Variants in EEA1 observed in about 807,000 individuals in gnomAD.
EEA1 encodes the protein early endosome antigen 1, 162kD.
Under a neutral mutation model 209.2 loss-of-function variants are expected in EEA1, and 111 were observed. That is an observed-to-expected ratio of 0.53 (90% CI 0.45 to 0.62). The LOEUF is 0.62. Ranked by LOEUF, EEA1 falls within the 20% of genes least tolerant of loss-of-function variation. The probability of loss-of-function intolerance (pLI) is 0.00; values close to 1 mark genes in which losing one functional copy is unlikely to be tolerated. For synonymous variants in EEA1, 536 were observed against 540.6 expected (o/e 0.99, Z 0.12); for missense variants, 1,343 against 1,530.8 (o/e 0.88, Z 2.05).
At chr12:92,852,872 G>A in intron 7 of EEA1, 40 bp downstream of exon 7, 3 of 1,425,098 alleles carry the variant, frequency 2.1e-6, no homozygotes, top group Non-Finnish European at 3.0e-6. Flanking sequence ...AAAAGGTAAT[G>A]AGATTGATTT....
In EEA1 at chr12:92,861,521, C is replaced by T. The variant is rs550605546; in HGVS notation, c.245+3339G>A. ...CCCTGCTGGATTCAAATTCATCCTA[C>T]AGATATACTCAAACAAGTACAAATG... On this transcript the variant is annotated intron_variant, in intron 3 of 28. Coordinates refer to ENST00000322349, the MANE Select transcript of EEA1 (RefSeq NM_003566.4). 4.6e-5 allele frequency among the ~76,000 whole-genome samples: 7 copies of T among 152,260 alleles called. No homozygotes were observed. In the South Asian group the frequency reaches 6.2e-4, roughly 14 times the overall value.
At chr12:92,806,037 A>G (rs1260435565) in intron 18 of EEA1, among the ~76,000 whole-genome samples, 2 of 152,202 alleles carry the variant, frequency 1.3e-5, no homozygotes, top group African/African-American at 4.8e-5. Context: ...GAAATCTTAC[A>G]TCTAGCATTG....
At chr12:92,893,133 G>C (rs576696429) in intron 1 of EEA1, among the ~76,000 whole-genome samples, 4 of 152,246 alleles carry the variant, frequency 2.6e-5, no homozygotes, top group Admixed American at 2.6e-4. Context: ...TTATCACTTA[G>C]CATTATCATT....
intron 1 of EEA1, among the ~76,000 whole-genome samples, chr12:92,908,660 A>T (rs1350335950): frequency 6.6e-6 from 1 of 152,180 alleles, no homozygotes; most frequent in Admixed American, 6.5e-5. Context: ...CTTAGCCATA[A>T]TATTCATATT....
chr12:92,892,127 G>A (rs182584564), intron 1 of EEA1, among the ~76,000 whole-genome samples: 25 of 152,234 alleles, frequency 1.6e-4, no homozygotes, highest in Admixed American at 9.2e-4. Context: ...GTCTTGCTCT[G>A]TCACCCAGGC....
chr12:92,900,961 G>A (rs902384721), intron 1 of EEA1, among the ~76,000 whole-genome samples: 2 of 152,018 alleles, frequency 1.3e-5, no homozygotes. Context: ...GAGCCAACAC[G>A]TCCAGCCTAA....
At chr12:92,808,853 CTTTAT>C (rs1875342616) in intron 18 of EEA1, among the ~76,000 whole-genome samples, 159 bp downstream of exon 18, 1 of 152,090 alleles carries the variant, frequency 6.6e-6, no homozygotes, top group South Asian at 2.1e-4. Flanking sequence ...ATTATGATGG[CTTTAT>C]TTTTTCATTC....
chr12:92,790,135 C>T (rs1874334203), intron 21 of EEA1, among the ~76,000 whole-genome samples: 1 of 152,216 alleles, frequency 6.6e-6, no homozygotes, highest in Non-Finnish European at 1.5e-5. Context: ...AGGTCACCAA[C>T]ATCAAAGACC....
intron 9 of EEA1, among the ~76,000 whole-genome samples, chr12:92,846,213 C>T (rs946479279): frequency 6.6e-6 from 1 of 152,008 alleles, no homozygotes; most frequent in Non-Finnish European, 1.5e-5. Context: ...TTGAAGGTGA[C>T]ACATTAAGGG....
At chr12:92,787,647 T>C (rs574365180) in intron 22 of EEA1, among the ~76,000 whole-genome samples, 5 of 152,232 alleles carry the variant, frequency 3.3e-5, no homozygotes, top group Admixed American at 1.3e-4. Context: ...ACAATTAAGA[T>C]ATATCCAAAT....
intron 1 of EEA1, among the ~76,000 whole-genome samples, chr12:92,898,442 T>C (rs533325113): frequency 2.0e-5 from 3 of 152,200 alleles, no homozygotes; most frequent in Admixed American, 2.0e-4. Flanking sequence ...GGTGGGTGGA[T>C]CACTTCAGGT....
In EEA1 at chr12:92,775,957, A is replaced by C; in HGVS notation, c.*54T>G. 1 of 1,585,242 alleles carries C rather than the reference A, an allele frequency of 6.3e-7. No individual in the cohort carries two copies. Among genetic ancestry groups the C allele is most frequent in the Admixed American group, 1.7e-5 (1 of 57,782 alleles). Reference sequence around the variant, plus strand: ...GTAGTCCAAGACCTCTATTAAGTACATTTATTAAAAATCTAATGTTAGTGT... The same window carrying C: ...GTAGTCCAAGACCTCTATTAAGTACCTTTATTAAAAATCTAATGTTAGTGT... On this transcript the variant is annotated 3_prime_UTR_variant, in exon 29 of 29. Transcript: ENST00000322349.
At chr12:92,898,686 C>A (rs1218369645) in intron 1 of EEA1, among the ~76,000 whole-genome samples, 1 of 141,090 alleles carries the variant, frequency 7.1e-6, no homozygotes. Context: ...GAAGAAGGAA[C>A]ATTACTTGTG....
Position 92,853,072 on chromosome 12 carries a change from T to C in EEA1, c.407-47A>G, listed in dbSNP as rs753479685. ...ATTCAAATACCATGTTAATTACATA[T>C]GCTAAATTGTTATTACTTATATTTA... On this transcript the variant is annotated intron_variant, in intron 6 of 28. Coordinates refer to ENST00000322349, the MANE Select transcript of EEA1 (RefSeq NM_003566.4). The C allele has an allele frequency of 1.1e-5, 13 of 1,204,376 alleles. No individual in the cohort carries two copies. In the South Asian group the frequency reaches 1.8e-4, roughly 16 times the overall value. The allele number at this position is 1,204,376 out of a possible 1,614,324, so 74.6% of individuals were successfully genotyped here. A position where few individuals can be genotyped will look rare whatever the true frequency, so the allele number is the denominator to read the frequency against.
In EEA1 at chr12:92,891,736, G is replaced by A. The variant is rs1159856201; in HGVS notation, c.25-15C>T. 1 of 1,571,770 alleles carries A rather than the reference G, an allele frequency of 6.4e-7. No homozygotes were observed. The highest frequency in any genetic ancestry group is 1.2e-5 in the South Asian group (1 of 85,666). Reference sequence around the variant, plus strand: ...CTCCCAGGAGTCTGGAACACAAACAGTAGGGAGGAAAAAAAAACAAAGCAG... The same window carrying A: ...CTCCCAGGAGTCTGGAACACAAACAATAGGGAGGAAAAAAAAACAAAGCAG... On this transcript the variant is annotated splice_polypyrimidine_tract_variant and intron_variant, in intron 1 of 28. Transcript: ENST00000322349.
intron 5 of EEA1, among the ~76,000 whole-genome samples, chr12:92,855,111 A>G (rs1877809381): frequency 6.7e-6 from 1 of 148,596 alleles, no homozygotes; most frequent in South Asian, 2.2e-4. Flanking sequence ...TCAAGCTATC[A>G]CTACTAAAAC....
At chr12:92,828,269 G>A (rs1013916164) in intron 11 of EEA1, among the ~76,000 whole-genome samples, 6 of 151,990 alleles carry the variant, frequency 3.9e-5, no homozygotes, top group African/African-American at 7.3e-5. Flanking sequence ...TAAAATTATC[G>A]TTAAACATCA....
chr12:92,848,326 T>C (rs1327492486), intron 9 of EEA1, among the ~76,000 whole-genome samples: 1 of 152,038 alleles, frequency 6.6e-6, no homozygotes. Context: ...CTATCTTTCA[T>C]AACTCTAGTC....
At chr12:92,815,821 T>TA (rs1251894997) in intron 15 of EEA1, among the ~76,000 whole-genome samples, 2 of 152,002 alleles carry the variant, frequency 1.3e-5, no homozygotes, top group African/African-American at 2.4e-5. Flanking sequence ...AATTTGAATG[T>TA]AAAAAACAAT....
Sources: allele counts gnomAD v4.1 joint callset (sites outside exome capture counted in the v4.1 genomes callset), GRCh38; gene constraint gnomAD v4.1.1; transcripts MANE v1.5; gene names NCBI Gene and HGNC (gene_info 2026-07-23, HGNC 2026-07-21).